The following SPATA9 variants were observed in gnomAD, a reference collection of about 807,000 sequenced individuals.
The protein encoded by SPATA9 is spermatogenesis associated 9.
Under a neutral mutation model 25.5 loss-of-function variants are expected in SPATA9, and 27 were observed. The observed-to-expected ratio is 1.06, with a 90% CI of 0.78 to 1.46. The LOEUF is 1.46. SPATA9 is among the 40% of genes most tolerant of loss of function. The pLI is 0.00. For missense variants in SPATA9, 282 were observed against 297.5 expected (o/e 0.95, Z 0.38); for synonymous variants, 102 against 105.7 (o/e 0.97, Z 0.21).
upstream of SPATA9, among the ~76,000 whole-genome samples, chr5:95,702,215 A>AACAC (rs33913076): frequency 4.6e-5 from 7 of 151,304 alleles, no homozygotes; most frequent in East Asian, 3.9e-4. Context: ...GCAAAACCAA[A>AACAC]ACACACACAC....
At chr5:95,653,624 C>T (rs528415135), downstream of SPATA9, among the ~76,000 whole-genome samples, 14 of 152,280 alleles carry the variant, frequency 9.2e-5, no homozygotes, top group East Asian at 2.5e-3. Flanking sequence ...TATGGCCGGG[C>T]GCAGTGGCTC....
the SPATA9 span, among the ~76,000 whole-genome samples, chr5:95,710,463 C>G: frequency 1.3e-5 from 2 of 152,192 alleles, no homozygotes; most frequent in African/African-American, 4.8e-5. Context: ...ACTTATCAGC[C>G]TCTTGGACTA....
At chr5:95,682,417 T>C in intron 2 of SPATA9, 111 bp downstream of exon 2, 2 of 778,608 alleles carry the variant, frequency 2.6e-6, no homozygotes, top group Non-Finnish European at 2.0e-6. Flanking sequence ...AAATTAGTGT[T>C]TTCTAAAGTT....
chr5:95,730,926 G>T, the SPATA9 span: 55 of 459,798 alleles, frequency 1.2e-4, no homozygotes, highest in South Asian at 4.8e-4. Context: ...GGCCAAGAGG[G>T]GGGGAAATCG....
intron 1 of SPATA9, among the ~76,000 whole-genome samples, chr5:95,693,046 C>G (rs1753928757): frequency 6.6e-6 from 1 of 152,216 alleles, no homozygotes; most frequent in South Asian, 2.1e-4. Context: ...GTATTTTCAT[C>G]AAGTTTTCCT....
the SPATA9 span, among the ~76,000 whole-genome samples, chr5:95,709,977 T>G: frequency 6.6e-6 from 1 of 152,198 alleles, no homozygotes; most frequent in Non-Finnish European, 1.5e-5. Flanking sequence ...GATGGCTCCA[T>G]GTACATGCAC....
the SPATA9 span, among the ~76,000 whole-genome samples, chr5:95,715,721 GA>G: frequency 6.6e-6 from 1 of 152,048 alleles, no homozygotes; most frequent in Non-Finnish European, 1.5e-5. Context: ...ACTTATAAAG[GA>G]AAATATTGAT....
the SPATA9 span, chr5:95,708,606 G>A: frequency 1.1e-5 from 8 of 696,378 alleles, no homozygotes; most frequent in South Asian, 1.2e-4. Context: ...AGAGGTAAAA[G>A]TCAACATTTT....
chr5:95,677,507 T>C (rs990547388), intron 2 of SPATA9, among the ~76,000 whole-genome samples: 3 of 152,202 alleles, frequency 2.0e-5, no homozygotes, highest in Non-Finnish European at 2.9e-5. Flanking sequence ...AAAATATAAT[T>C]GAATTAGCAT....
rs747131464 is a variant in SPATA9 at position 95,658,839 on chromosome 5, T to A, written c.549A>T (p.Arg183Ser). ...CTTTTCTACAATTTTCACTCTCCTC[T>A]CTGTTTTGCCTTATGGATTCTTCTT... ...FQEEESIRQN[R>S]EESENCRKAF... Residue 183 changes from arginine (R) to serine (S), a missense_variant, in exon 5 of 5, where the codon AGA becomes AGT. Coordinates refer to ENST00000274432, the MANE Select transcript of SPATA9 (RefSeq NM_031952.4). 6 of 1,613,978 alleles carry A rather than the reference T, an allele frequency of 3.7e-6. No homozygotes were observed. In the South Asian group the frequency reaches 5.5e-5, roughly 15 times the overall value.
the SPATA9 span, chr5:95,708,783 G>T: frequency 1.6e-6 from 1 of 607,844 alleles, no homozygotes; most frequent in Non-Finnish European, 2.9e-6. Context: ...CGACTGCAAA[G>T]GTGACTTCCT....
At chr5:95,716,144 T>A in the SPATA9 span, among the ~76,000 whole-genome samples, 1 of 152,190 alleles carries the variant, frequency 6.6e-6, no homozygotes, top group Non-Finnish European at 1.5e-5. Flanking sequence ...GAGACCCCAC[T>A]GGGGCATTGC....
the SPATA9 span, among the ~76,000 whole-genome samples, chr5:95,728,901 T>G: frequency 6.6e-6 from 1 of 152,174 alleles, no homozygotes; most frequent in African/African-American, 2.4e-5. Flanking sequence ...ACCTCACTGC[T>G]CATTATATGC....
the SPATA9 span, among the ~76,000 whole-genome samples, chr5:95,710,096 T>C: frequency 0.012 from 1,854 of 152,270 alleles, 44 homozygotes; most frequent in African/African-American, 0.042. Flanking sequence ...CTGAGGTGTT[T>C]GCTTGTAAAG....
At chr5:95,706,125 A>T in the SPATA9 span, among the ~76,000 whole-genome samples, 6 of 152,090 alleles carry the variant, frequency 3.9e-5, no homozygotes, top group Non-Finnish European at 2.9e-5. Flanking sequence ...CAGATCCTTT[A>T]ATGGCCCACT....
At chr5:95,725,382 T>C in the SPATA9 span, among the ~76,000 whole-genome samples, 1 of 152,314 alleles carries the variant, frequency 6.6e-6, no homozygotes, top group African/African-American at 2.4e-5. Flanking sequence ...ATAGAGGTTG[T>C]AAAAATCTAA....
At chr5:95,715,595 G>A in the SPATA9 span, among the ~76,000 whole-genome samples, 1 of 152,058 alleles carries the variant, frequency 6.6e-6, no homozygotes, top group Non-Finnish European at 1.5e-5. Context: ...TTACTTGCAG[G>A]TAGATTAAAT....
At position 95,691,745 on chromosome 5, in the gene SPATA9, T is replaced by G. The variant is rs201104311; in HGVS notation, n.124+6843A>C. Among the ~76,000 whole-genome samples, 8 of 152,350 alleles carry G rather than the reference T, an allele frequency of 5.3e-5. 1 individual carries two copies. The East Asian group carries it at 1.5e-3, about 29-fold the overall frequency. ...CTTCTAAAACAGTTCTGAATAATTA[T>G]TACAGCAGGATCACCTATGTTGTTC... is the stretch of plus-strand genomic sequence containing the variant. On this transcript the variant is annotated intron_variant and non_coding_transcript_variant, in intron 1 of 2. Coordinates refer to the SPATA9 transcript ENST00000379990.
chr5:95,703,003 C>T (rs1311791105), upstream of SPATA9, among the ~76,000 whole-genome samples: 1 of 152,186 alleles, frequency 6.6e-6, no homozygotes, highest in Non-Finnish European at 1.5e-5. Context: ...GTACCATTTG[C>T]ATTAAATCTG....
Sources: gnomAD v4.1 joint callset for allele counts (sites outside exome capture counted in the v4.1 genomes callset) on GRCh38, gnomAD v4.1.1 for gene constraint, MANE v1.5 for transcripts, NCBI Gene and HGNC (gene_info 2026-07-23, HGNC 2026-07-21) for gene names.